The following WDR11 variants were observed in gnomAD, a reference collection of about 807,000 sequenced individuals.
WDR11 encodes the protein WD repeat domain 11, also known as WD repeat-containing protein 11.
Under a neutral mutation model 151.2 loss-of-function variants are expected in WDR11, and 83 were observed. The observed-to-expected ratio is 0.55, with a 90% CI of 0.46 to 0.66. The LOEUF (loss-of-function observed/expected upper bound fraction) is 0.66, where lower values mean the gene tolerates loss of function less well. WDR11 is among the 30% of genes least tolerant of loss of function. The probability of loss-of-function intolerance (pLI) is 0.00; values close to 1 mark genes in which losing one functional copy is unlikely to be tolerated. For missense variants in WDR11, 1,301 were observed against 1,480.9 expected (o/e 0.88, Z 1.99); for synonymous variants, 484 against 533.1 (o/e 0.91, Z 1.27).
At chr10:120,874,185 T>TTG (rs199709128) in intron 11 of WDR11, among the ~76,000 whole-genome samples, 17 of 64,480 alleles carry the variant, frequency 2.6e-4, no homozygotes, top group East Asian at 4.1e-4. Context: ...AGTTTTTTTT[T>TTG]TTTTTTTGTT....
intron 2 of WDR11, 112 bp from the exon 3 acceptor site, chr10:120,858,531 A>G: frequency 7.7e-7 from 1 of 1,294,312 alleles, no homozygotes; most frequent in Admixed American, 1.9e-5. Flanking sequence ...TATTCTTGCT[A>G]AATGTTTATG....
intron 26 of WDR11, chr10:120,905,630 G>T (rs1848008367): frequency 1.3e-6 from 1 of 797,048 alleles, no homozygotes; most frequent in Admixed American, 2.5e-5. Flanking sequence ...TTAAGTAAAA[G>T]CAGCTGCCTC....
Position 120,883,845 on chromosome 10 carries a change from T to C in WDR11, c.1805T>C (p.Leu602Pro). ...LELWDVRTCTLLREMSKNFPT... is the reference protein window; with the variant it reads ...LELWDVRTCTPLREMSKNFPT... ...CTATGGGATGTTAGGACTTGTACCC[T>C]TCTTAGAGAGATGTCCAAAAACTTC... The change falls in exon 14 of 29, where the codon CTT (leucine) becomes CCT (proline). Residue 602 changes from leucine to proline, a missense_variant. Leu to Pro is a moderately conservative substitution (Grantham distance 98). This residue lies in a region of WDR11 where 692 missense variants were observed against 762.5 expected (regional missense o/e 0.91). Coordinates refer to ENST00000263461, the MANE Select transcript of WDR11 (RefSeq NM_018117.12). 6.2e-7 allele frequency: 1 copy of C among 1,613,494 alleles called. No individual in the cohort carries two copies. The highest frequency in any genetic ancestry group is 1.1e-5 in the South Asian group (1 of 91,066).
chr10:120,897,730 A>G (rs1019455207), intron 19 of WDR11, among the ~76,000 whole-genome samples: 1 of 152,210 alleles, frequency 6.6e-6, no homozygotes, highest in Non-Finnish European at 1.5e-5. Flanking sequence ...CTAGATTGGA[A>G]TAGACTAAAG....
At chr10:120,881,232 A>C (rs1440733798) in intron 13 of WDR11, among the ~76,000 whole-genome samples, 1 of 152,220 alleles carries the variant, frequency 6.6e-6, no homozygotes, top group Non-Finnish European at 1.5e-5. Context: ...TTTTGCTTCC[A>C]GAAATTGAGT....
intron 12 of WDR11, chr10:120,880,519 C>T (rs113966550): frequency 2.7e-4 from 91 of 338,178 alleles, no homozygotes; most frequent in African/African-American, 1.8e-3. Context: ...AATGAGCTGG[C>T]GTGGTGGCGA....
chr10:120,871,018 A>G, intron 9 of WDR11, 152 bp from the exon 10 acceptor site: 1 of 769,332 alleles, frequency 1.3e-6, no homozygotes, highest in Non-Finnish European at 2.1e-6. Context: ...GTACAGAGTC[A>G]TTGTGTCCTT....
intron 17 of WDR11, 175 bp from the exon 18 acceptor site, chr10:120,889,720 C>A: frequency 1.6e-6 from 1 of 633,578 alleles, no homozygotes; most frequent in Non-Finnish European, 2.8e-6. Flanking sequence ...GAAGTCTTAG[C>A]TGACCTTAAA....
chr10:120,903,536 A>G (rs1358222029), intron 23 of WDR11, among the ~76,000 whole-genome samples: 1 of 149,256 alleles, frequency 6.7e-6, no homozygotes, highest in Non-Finnish European at 1.5e-5. Flanking sequence ...AAGAAAAGAA[A>G]GAAGCCCTCG....
At chr10:120,859,034 TA>T (rs1464037554) in intron 3 of WDR11, among the ~76,000 whole-genome samples, 8 of 152,214 alleles carry the variant, frequency 5.3e-5, no homozygotes, top group Non-Finnish European at 2.9e-5. Flanking sequence ...TTAATTGCAA[TA>T]TCAGCCTCAT....
At position 120,866,719 on chromosome 10, in the gene WDR11, T is replaced by C. The variant is rs1433122067; in HGVS notation, c.1145T>C (p.Ile382Thr). The change falls in exon 8 of 29, where the codon ATA becomes ACA. Residue 382 changes from isoleucine to threonine, a missense_variant. Transcript: ENST00000263461. ...GTAGTGAGTGATGGCAGGGTCATGA[T>C]ATGGGAACTCAAGTCTGCAGTTTGT... ...ALVVSDGRVM[I>T]WELKSAVCNR... is the part of the protein sequence containing the mutation. 2 of 1,614,194 alleles carry C rather than the reference T, an allele frequency of 1.2e-6. No homozygotes were observed. The highest frequency in any genetic ancestry group is 8.5e-7 in the Non-Finnish European group (1 of 1,180,036).
At chr10:120,856,663 A>G (rs1365228055) in intron 2 of WDR11, among the ~76,000 whole-genome samples, 2 of 150,880 alleles carry the variant, frequency 1.3e-5, no homozygotes, top group Non-Finnish European at 3.0e-5. Context: ...TCTCTGCATT[A>G]TATCTTTTTT....
At chr10:120,866,912 T>C (rs1213413132) in intron 8 of WDR11, 148 bp downstream of exon 8, 1 of 1,088,474 alleles carries the variant, frequency 9.2e-7, no homozygotes, top group Middle Eastern at 2.9e-4. Context: ...TAGGGAATTA[T>C]GTAAATCTGC....
chr10:120,870,453 T>G (rs933561739), intron 9 of WDR11, among the ~76,000 whole-genome samples: 3 of 152,194 alleles, frequency 2.0e-5, no homozygotes, highest in Non-Finnish European at 2.9e-5. Flanking sequence ...TTGTACTGTT[T>G]AGATTTAGCT....
At chr10:120,886,517 G>C (rs1404643084) in intron 15 of WDR11, among the ~76,000 whole-genome samples, 172 bp from the exon 16 acceptor site, 3 of 152,078 alleles carry the variant, frequency 2.0e-5, no homozygotes, top group Admixed American at 6.6e-5. Flanking sequence ...GGCTGTTAAG[G>C]AGTGATTCAT....
At position 120,904,632 on chromosome 10, in the gene WDR11, G is replaced by A. The variant is rs759884663; in HGVS notation, c.3028-14G>A. ...AAATGTTCTCATAATTAGAAAAACC[G>A]TTTCTCTTACTAGACAGACAGAGCT... On this transcript the variant is annotated splice_polypyrimidine_tract_variant and intron_variant, in intron 24 of 28. Coordinates refer to ENST00000263461, the MANE Select transcript of WDR11 (RefSeq NM_018117.12). The A allele has an allele frequency of 3.5e-5, 56 of 1,614,020 alleles. No individual in the cohort carries two copies. The Admixed American group carries it at 3.7e-4, about 11-fold the overall frequency.
At chr10:120,880,174 T>C (rs766218129) in intron 12 of WDR11, 5 of 152,242 alleles carry the variant, frequency 3.3e-5, no homozygotes, top group Middle Eastern at 3.2e-3. Context: ...CACCAGACAA[T>C]TGCTGTACCA....
At chr10:120,858,570 G>C (rs1846027046) in intron 2 of WDR11, 73 bp from the exon 3 acceptor site, 2 of 1,561,044 alleles carry the variant, frequency 1.3e-6, no homozygotes, top group East Asian at 4.5e-5. Flanking sequence ...GGTTCTGGTT[G>C]ATGTTTTGTG....
At chr10:120,852,779 C>A in intron 2 of WDR11, 144 bp downstream of exon 2, 1 of 694,802 alleles carries the variant, frequency 1.4e-6, no homozygotes, top group African/African-American at 1.8e-5. Flanking sequence ...CTAGAATTTT[C>A]ATATATATGA....
Sources: allele counts gnomAD v4.1 joint callset (sites outside exome capture counted in the v4.1 genomes callset), GRCh38; gene constraint gnomAD v4.1.1; regional missense constraint gnomAD v4.1.1; transcripts MANE v1.5; gene names NCBI Gene and HGNC (gene_info 2026-07-23, HGNC 2026-07-21).